Variants in CD34 observed in about 807,000 individuals in gnomAD.
The protein encoded by CD34 is CD34 molecule, also known as hematopoietic progenitor cell antigen CD34.
In CD34, 34 loss-of-function variants were observed where a neutral mutation model predicts 40.1. The ratio of observed to expected loss-of-function variants is 0.85; its 90% CI spans 0.65 to 1.13. The LOEUF is 1.13. Ranked by LOEUF, CD34 falls within the 50% of genes most tolerant of loss-of-function variation. The pLI is 0.00. For missense variants in CD34, 426 were observed against 466.9 expected (o/e 0.91, Z 0.81); for synonymous variants, 209 against 190.0 (o/e 1.10, Z -0.82).
Position 207,888,716 on chromosome 1 carries a change from T to C in CD34, c.938A>G (p.Asn313Ser), listed in dbSNP as rs1279995598. The change falls in exon 7 of 8, where the codon AAT (asparagine) becomes AGT (serine). Residue 313 changes from asparagine to serine, a missense_variant. Transcript: ENST00000310833. Reference sequence around the variant, plus strand: ...TCCTGTGGGGCTCCAGCTGCGGCGATTCATCAGGAAATAGCCAGTGATGCC... The same window carrying C: ...TCCTGTGGGGCTCCAGCTGCGGCGACTCATCAGGAAATAGCCAGTGATGCC... Reference protein sequence around the residue: ...VLGITGYFLMNRRSWSPTGER... With the variant: ...VLGITGYFLMSRRSWSPTGER... 1.2e-6 allele frequency: 2 copies of C among 1,614,092 alleles called. No individual in the cohort carries two copies. Among genetic ancestry groups the C allele is most frequent in the Non-Finnish European group, 1.7e-6 (2 of 1,180,046 alleles).
At chr1:207,894,885 A>G (rs929801014) in intron 4 of CD34, among the ~76,000 whole-genome samples, 2 of 152,174 alleles carry the variant, frequency 1.3e-5, no homozygotes, top group Non-Finnish European at 2.9e-5. Flanking sequence ...TACAGAATCC[A>G]CATAGGGTGA....
chr1:207,906,609 C>T (rs913581304), intron 1 of CD34, among the ~76,000 whole-genome samples: 2 of 152,114 alleles, frequency 1.3e-5, no homozygotes, highest in Admixed American at 1.3e-4. Flanking sequence ...TTTTGGGAGG[C>T]CGATGTGGGT....
rs539935047 is a variant in CD34 at position 207,891,028 on chromosome 1, C to T, written c.598-1407G>A. 8.5e-5 allele frequency among the ~76,000 whole-genome samples: 13 copies of T among 152,198 alleles called. No individual in the cohort carries two copies. In the South Asian group the frequency reaches 1.9e-3, roughly 22 times the overall value. On this transcript the variant is annotated intron_variant, in intron 4 of 7. Transcript: ENST00000310833. ...TACATGGCTTCCCCTTGAGCACCCC[C>T]GCTCCCCAGCACCGAGAGTCTGGAT...
At chr1:207,897,063 G>A (rs1477900796) in intron 4 of CD34, among the ~76,000 whole-genome samples, 1 of 152,030 alleles carries the variant, frequency 6.6e-6, no homozygotes, top group East Asian at 1.9e-4. Flanking sequence ...AGAGTTACGT[G>A]TAAATATTTA....
In CD34 at chr1:207,883,090, T is replaced by C. The variant is rs989633067; in HGVS notation, c.*4648A>G. 5.3e-5 allele frequency: 8 copies of C among 152,224 alleles called. No homozygotes were observed. Among genetic ancestry groups the C allele is most frequent in the African/African-American group, 1.7e-4 (7 of 41,450 alleles). 9.4% of individuals were successfully genotyped at this position (152,224 alleles called of 1,614,324 possible). On this transcript the variant is annotated 3_prime_UTR_variant, in exon 8 of 8. Transcript: ENST00000310833. ...AAACTCTTCTGTGGCTCCTCTTCTA[T>C]TGGATAAAATTAAACTCTGTGGTTT...
rs376254928 is a variant in CD34 at position 207,881,069 on chromosome 1, G to A, written c.*6669C>T. ...TGAGTTTATTAAATTACATATAGCT[G>A]GAAGTCCTGTCTCTCATTTGCACTA... is the stretch of plus-strand genomic sequence containing the variant. On this transcript the variant is annotated 3_prime_UTR_variant, in exon 8 of 8. Transcript: ENST00000310833. The A allele has an allele frequency of 1.1e-4, 17 of 152,126 alleles. No individual in the cohort carries two copies. The highest frequency in any genetic ancestry group is 3.3e-4 in the Admixed American group (5 of 15,282). The allele number at this position is 152,126 out of a possible 1,614,324, so 9.4% of individuals were successfully genotyped here. A position where few individuals can be genotyped will look rare whatever the true frequency, so the allele number is the denominator to read the frequency against.
At chr1:207,901,358 G>A (rs957488136) in intron 1 of CD34, among the ~76,000 whole-genome samples, 12 of 152,236 alleles carry the variant, frequency 7.9e-5, no homozygotes, top group African/African-American at 1.7e-4. Context: ...ACGATGGGCC[G>A]CTTCTCCCAG....
chr1:207,888,464 C>T (rs1365669911), intron 7 of CD34, among the ~76,000 whole-genome samples: 4 of 152,328 alleles, frequency 2.6e-5, no homozygotes, highest in South Asian at 2.1e-4. Flanking sequence ...GCTACCACAC[C>T]GAGTAGGTGG....
intron 1 of CD34, among the ~76,000 whole-genome samples, chr1:207,908,518 T>C (rs1366681210): frequency 1.3e-5 from 2 of 152,192 alleles, no homozygotes; most frequent in African/African-American, 2.4e-5. Context: ...CATGTAGCCC[T>C]GGACAGGATA....
chr1:207,887,369 G>C lies in CD34; in HGVS notation c.*369C>G, dbSNP rs1661922633. ...CTTCCTGGGAGAAAATTGTAGCCTA[G>C]AAAAGCTCATCTTTCCCCTGGGGGT... On this transcript the variant is annotated 3_prime_UTR_variant, in exon 8 of 8. Transcript: ENST00000310833. The C allele has an allele frequency of 4.8e-6, 1 of 208,488 alleles. No individual in the cohort carries two copies. The highest frequency in any genetic ancestry group is 1.2e-4 in the East Asian group (1 of 8,520). 12.9% of individuals were successfully genotyped at this position (208,488 alleles called of 1,614,324 possible).
At chr1:207,900,067 G>T (rs771033676) in intron 1 of CD34, 64 bp from the exon 2 acceptor site, 9 of 1,274,478 alleles carry the variant, frequency 7.1e-6, no homozygotes, top group Admixed American at 2.3e-5. Context: ...ATCACCTGAT[G>T]CAATTTCCTG....
chr1:207,882,953 A>G lies in CD34; in HGVS notation c.*4785T>C, dbSNP rs1661834031. ...TGTCCCTCCCACATCCACCCAATGT[A>G]AAGACTTGACAGAAGGGACTATGTC... On this transcript the variant is annotated 3_prime_UTR_variant, in exon 8 of 8. Transcript: ENST00000310833. 6.6e-6 allele frequency: 1 copy of G among 152,214 alleles called. No homozygotes were observed. Among genetic ancestry groups the G allele is most frequent in the Admixed American group, 6.5e-5 (1 of 15,280 alleles). 9.4% of individuals were successfully genotyped at this position (152,214 alleles called of 1,614,324 possible).
At chr1:207,900,473 T>C (rs973050860) in intron 1 of CD34, among the ~76,000 whole-genome samples, 12 of 152,204 alleles carry the variant, frequency 7.9e-5, no homozygotes, top group Non-Finnish European at 1.6e-4. Flanking sequence ...CAAAAGGTCA[T>C]GCTTCTTTTT....
In CD34 at chr1:207,911,052, C is replaced by A; in HGVS notation, c.29G>T (p.Gly10Val). 2 of 1,592,234 alleles carry A rather than the reference C, an allele frequency of 1.3e-6. No individual in the cohort carries two copies. Among genetic ancestry groups the A allele is most frequent in the Non-Finnish European group, 1.7e-6 (2 of 1,172,796 alleles). ...GGTCCAGCCCCGCGGCATCCTGGGCCCTGCGCGCGCGCCCCTGCGGACCAG... is the reference window on the plus strand; with the variant it reads ...GGTCCAGCCCCGCGGCATCCTGGGCACTGCGCGCGCGCCCCTGCGGACCAG... The part of the protein sequence containing the change: MLVRRGARA[G>V]PRMPRGWTAL... Residue 10 changes from glycine to valine, a missense_variant, in exon 1 of 8, where the codon GGG becomes GTG. Coordinates refer to ENST00000310833, the MANE Select transcript of CD34 (RefSeq NM_001025109.2).
At position 207,890,275 on chromosome 1, in the gene CD34, AAAC is replaced by A; in HGVS notation, c.598-657_598-655del. On this transcript the variant is annotated intron_variant, in intron 4 of 7. Coordinates refer to ENST00000310833, the MANE Select transcript of CD34 (RefSeq NM_001025109.2). ...ACCCAGGAATTTGGACTCAGAAGAA[AAAC>A]TCTGATAATTCTTCAATAGTGAGTC... 3 of 989,176 alleles carry A rather than the reference AAAC, an allele frequency of 3.0e-6. No individual in the cohort carries two copies. In the South Asian group the frequency reaches 1.4e-4, roughly 45 times the overall value. 61.3% of individuals were successfully genotyped at this position (989,176 alleles called of 1,614,324 possible).
At chr1:207,889,722 G>A (rs2179634) in intron 4 of CD34, 101 bp from the exon 5 acceptor site, 494,778 of 1,594,098 alleles carry the variant, frequency 0.31, 79,284 homozygotes, top group Non-Finnish European at 0.33. Flanking sequence ...TACCCCGTCC[G>A]CAAGAAGGAT....
At chr1:207,896,929 C>T (rs1662160732) in intron 4 of CD34, among the ~76,000 whole-genome samples, 1 of 151,812 alleles carries the variant, frequency 6.6e-6, no homozygotes, top group African/African-American at 2.4e-5. Context: ...CATATAAAAA[C>T]TTAATATAAG....
At chr1:207,903,930 G>A (rs1031554779) in intron 1 of CD34, among the ~76,000 whole-genome samples, 7 of 152,304 alleles carry the variant, frequency 4.6e-5, no homozygotes, top group Admixed American at 2.6e-4. Flanking sequence ...CATTAATGAT[G>A]TCACTGAGTT....
intron 1 of CD34, among the ~76,000 whole-genome samples, chr1:207,907,114 G>T (rs1662398622): frequency 6.6e-6 from 1 of 152,162 alleles, no homozygotes; most frequent in Non-Finnish European, 1.5e-5. Context: ...CACAAGGCTA[G>T]TGTGTGTAGC....
Sources: allele counts gnomAD v4.1 joint callset (sites outside exome capture counted in the v4.1 genomes callset), GRCh38; gene constraint gnomAD v4.1.1; transcripts MANE v1.5; gene names NCBI Gene and HGNC (gene_info 2026-07-23, HGNC 2026-07-21).